The following GCSAM variants were observed in gnomAD, a reference collection of about 807,000 sequenced individuals.
GCSAM encodes germinal center associated signaling and motility, also known as germinal center-associated signaling and motility protein.
In GCSAM, 8 loss-of-function variants were observed where a neutral mutation model predicts 17.6. The observed-to-expected ratio is 0.46, with a 90% CI of 0.27 to 0.82. The LOEUF (loss-of-function observed/expected upper bound fraction) is 0.82, where lower values mean the gene tolerates loss of function less well. GCSAM is among the 40% of genes least tolerant of loss of function. The pLI is 0.15. For missense variants in GCSAM, 192 were observed against 213.5 expected (o/e 0.90, Z 0.63); for synonymous variants, 68 against 69.0 (o/e 0.98, Z 0.07).
rs1457734458 is a variant in GCSAM, at chr3:112,123,666, T to A, written c.326A>T (p.Asn109Ile). The change falls in exon 6 of 6, where the codon AAT becomes ATT. Residue 109 changes from asparagine to isoleucine, a missense_variant. Coordinates refer to ENST00000308910, the MANE Select transcript of GCSAM (RefSeq NM_152785.5). ...SGNSAEEYYE[N>I]VPCKAERPRE... ...GGGTCTCTCAGCTTTGCAGGGAACA[T>A]TCTCATAGTACTCTTCAGCAGAGTT... The A allele has an allele frequency of 6.2e-7, 1 of 1,614,158 alleles. No homozygotes were observed. Among genetic ancestry groups the A allele is most frequent in the East Asian group, 2.2e-5 (1 of 44,878 alleles).
In GCSAM at chr3:112,133,244, A is replaced by G; in HGVS notation, c.-124T>C. The G allele has an allele frequency of 1.0e-6, 1 of 971,274 alleles. No homozygotes were observed. The highest frequency in any genetic ancestry group is 1.4e-5 in the South Asian group (1 of 71,576). 60.2% of individuals were successfully genotyped at this position (971,274 alleles called of 1,614,324 possible). ...TGGCTCTGGCCACCCGTGCAGAGAC[A>G]GCAGAAAGGAGAAGGGTGTCTCTGC... On this transcript the variant is annotated 5_prime_UTR_variant, in exon 1 of 6. Coordinates refer to ENST00000308910, the MANE Select transcript of GCSAM (RefSeq NM_152785.5).
In GCSAM at chr3:112,123,229, T is replaced by G; in HGVS notation, c.*226A>C. 1.3e-6 allele frequency: 1 copy of G among 757,616 alleles called. No homozygotes were observed. Among genetic ancestry groups the G allele is most frequent in the Non-Finnish European group, 2.0e-6 (1 of 491,074 alleles). The allele number at this position is 757,616 out of a possible 1,614,324, so 46.9% of individuals were successfully genotyped here. On this transcript the variant is annotated 3_prime_UTR_variant, in exon 6 of 6. Transcript: ENST00000308910. ...TCTCCAAACCATGTAGAACCAAAGA[T>G]GGTTACCTCTTTCTCAAATGGTGTT... is the stretch of plus-strand genomic sequence containing the variant.
chr3:112,124,780 G>A lies in GCSAM; in HGVS notation c.219+446C>T, dbSNP rs188410656. On this transcript the variant is annotated intron_variant, in intron 5 of 5. Coordinates refer to ENST00000308910, the MANE Select transcript of GCSAM (RefSeq NM_152785.5). ...ATAAAAAGCAAAGCAGCAAAGTACA[G>A]GGGGAAAAGCATGGATTGTGAAGTG... 8.3e-3 allele frequency among the ~76,000 whole-genome samples: 1,269 copies of A among 152,220 alleles called. 12 individuals carry two copies. Among genetic ancestry groups the A allele is most frequent in the Non-Finnish European group, 9.6e-3 (653 of 68,018 alleles).
At chr3:112,130,114 G>C (rs747608479) in intron 2 of GCSAM, 4 of 273,000 alleles carry the variant, frequency 1.5e-5, no homozygotes, top group Non-Finnish European at 2.8e-5. Context: ...AAAATGGCTA[G>C]GGTGGAGGTT....
intron 1 of GCSAM, among the ~76,000 whole-genome samples, chr3:112,132,234 C>T (rs865803339): frequency 2.6e-5 from 4 of 152,262 alleles, no homozygotes; most frequent in Non-Finnish European, 2.9e-5. Context: ...ATCCTCTTTT[C>T]GGCAAGTGGT....
intron 5 of GCSAM, 83 bp from the exon 6 acceptor site, chr3:112,123,855 T>A: frequency 2.1e-6 from 3 of 1,429,904 alleles, no homozygotes; most frequent in Non-Finnish European, 2.8e-6. Flanking sequence ...GGCTTGACCC[T>A]TGGTCAAGTC....
intron 1 of GCSAM, among the ~76,000 whole-genome samples, chr3:112,132,404 C>G (rs1337577827): frequency 6.6e-6 from 1 of 152,156 alleles, no homozygotes; most frequent in African/African-American, 2.4e-5. Context: ...TGTGGTGGCA[C>G]TATTTTGGTG....
intron 5 of GCSAM, among the ~76,000 whole-genome samples, chr3:112,124,374 C>A (rs768532498): frequency 1.3e-5 from 2 of 152,068 alleles, no homozygotes; most frequent in African/African-American, 2.4e-5. Flanking sequence ...TTTGGGAGGC[C>A]GAAGTGGGTG....
At chr3:112,132,753 A>G (rs1243471145) in intron 1 of GCSAM, 3 of 707,740 alleles carry the variant, frequency 4.2e-6, no homozygotes, top group Non-Finnish European at 5.3e-6. Flanking sequence ...CTTGTGGAGC[A>G]TGAGGAGCTC....
Position 112,127,697 on chromosome 3 carries a change from A to G in GCSAM, c.143+320T>C, listed in dbSNP as rs1007988755. 3.3e-5 allele frequency among the ~76,000 whole-genome samples: 5 copies of G among 152,350 alleles called. No homozygotes were observed. The South Asian group carries it at 1.0e-3, about 32-fold the overall frequency. The stretch of plus-strand genomic sequence containing the variant: ...CACCCCGACTATAAGTTCTATGTGC[A>G]AGGGATAGAAATGTGTGCTTCGGAA... On this transcript the variant is annotated intron_variant, in intron 3 of 5. Transcript: ENST00000308910.
chr3:112,124,548 C>T (rs1243445528), intron 5 of GCSAM, among the ~76,000 whole-genome samples: 2 of 152,148 alleles, frequency 1.3e-5, no homozygotes, highest in Non-Finnish European at 2.9e-5. Flanking sequence ...GCGGAGGTTG[C>T]AGTGAGCTGA....
intron 4 of GCSAM, among the ~76,000 whole-genome samples, chr3:112,126,594 G>A (rs1359022303): frequency 1.3e-5 from 2 of 152,156 alleles, no homozygotes; most frequent in African/African-American, 4.8e-5. Context: ...TCCCCACTGT[G>A]TAAAGCCAGT....
rs1203224825 is a variant in GCSAM, at chr3:112,123,228, A to G, written c.*227T>C. 2 of 759,538 alleles carry G rather than the reference A, an allele frequency of 2.6e-6. No individual in the cohort carries two copies. Among genetic ancestry groups the G allele is most frequent in the African/African-American group, 3.5e-5 (2 of 56,778 alleles). The allele number at this position is 759,538 out of a possible 1,614,324, so 47.0% of individuals were successfully genotyped here. Reference sequence around the variant, plus strand: ...CTCTCCAAACCATGTAGAACCAAAGATGGTTACCTCTTTCTCAAATGGTGT... The same window carrying G: ...CTCTCCAAACCATGTAGAACCAAAGGTGGTTACCTCTTTCTCAAATGGTGT... On this transcript the variant is annotated 3_prime_UTR_variant, in exon 6 of 6. Transcript: ENST00000308910.
rs1277795134 is a variant in GCSAM at position 112,125,215 on chromosome 3, G to A, written c.219+11C>T. On this transcript the variant is annotated intron_variant, in intron 5 of 5. Coordinates refer to ENST00000308910, the MANE Select transcript of GCSAM (RefSeq NM_152785.5). Reference sequence around the variant, plus strand: ...TCATCTCAAAAAATAGCTTAGAGATGTTCTTATTACCTGGATGGGAGTAGA... The same window carrying A: ...TCATCTCAAAAAATAGCTTAGAGATATTCTTATTACCTGGATGGGAGTAGA... The A allele has an allele frequency of 4.5e-6, 7 of 1,544,088 alleles. No homozygotes were observed. Among genetic ancestry groups the A allele is most frequent in the Non-Finnish European group, 6.3e-6 (7 of 1,116,166 alleles).
intron 2 of GCSAM, chr3:112,128,538 A>G (rs888550333): frequency 3.5e-6 from 1 of 286,940 alleles, no homozygotes; most frequent in South Asian, 3.6e-5. Context: ...AGCTTCACAA[A>G]GCTGGGGACC....
At chr3:112,125,988 G>T (rs2107803912) in intron 4 of GCSAM, among the ~76,000 whole-genome samples, 1 of 152,244 alleles carries the variant, frequency 6.6e-6, no homozygotes, top group Non-Finnish European at 1.5e-5. Context: ...GTCTACAGAG[G>T]AAGCTACCAT....
At chr3:112,125,934 C>G (rs2074308006) in intron 4 of GCSAM, among the ~76,000 whole-genome samples, 1 of 152,196 alleles carries the variant, frequency 6.6e-6, no homozygotes, top group Non-Finnish European at 1.5e-5. Context: ...TACCCTCTTG[C>G]AAACACACCA....
In GCSAM at chr3:112,123,509, C is replaced by T. The variant is rs1576158390; in HGVS notation, c.483G>A (p.Leu161=). 5 of 1,614,132 alleles carry T rather than the reference C, an allele frequency of 3.1e-6. No individual in the cohort carries two copies. In the East Asian group the frequency reaches 8.9e-5, roughly 29 times the overall value. The change falls in exon 6 of 6, where the codon CTG becomes CTA. Residue 161 remains leucine, a synonymous_variant. Coordinates refer to ENST00000308910, the MANE Select transcript of GCSAM (RefSeq NM_152785.5). The part of the protein sequence containing the change: ...LMPHRISSHF[L]QQPRPLMAPS... The stretch of plus-strand genomic sequence containing the variant: ...GGGCCATAAGTGGACGTGGCTGTTG[C>T]AGAAAGTGAGAGGAGATTCTGTGAG...
rs537351286 is a variant in GCSAM at position 112,121,812 on chromosome 3, T to C, written c.*1643A>G. The C allele has an allele frequency of 6.6e-6, 1 of 152,302 alleles. No homozygotes were observed. The highest frequency in any genetic ancestry group is 1.5e-5 in the Non-Finnish European group (1 of 68,018). The allele number at this position is 152,302 out of a possible 1,614,324, so 9.4% of individuals were successfully genotyped here. A position where few individuals can be genotyped will look rare whatever the true frequency, so the allele number is the denominator to read the frequency against. ...CTCAAGCCATTGCATTTCTCCTCTT[T>C]TGGGAGTCAGCACATTTTACATAGG... On this transcript the variant is annotated 3_prime_UTR_variant, in exon 6 of 6. Transcript: ENST00000308910.
Sources: allele counts gnomAD v4.1 joint callset (sites outside exome capture counted in the v4.1 genomes callset), GRCh38; gene constraint gnomAD v4.1.1; transcripts MANE v1.5; gene names NCBI Gene and HGNC (gene_info 2026-07-23, HGNC 2026-07-21).